The following FZD3 variants were observed in gnomAD, a reference collection of about 807,000 sequenced individuals.
FZD3 encodes the protein frizzled class receptor 3.
A neutral mutation model predicts 60.7 loss-of-function variants in FZD3; 30 were observed. That is an observed-to-expected ratio of 0.49 (90% CI 0.37 to 0.67). The LOEUF is 0.67. FZD3 is among the 30% of genes least tolerant of loss of function. The pLI, the probability that FZD3 is intolerant of heterozygous loss-of-function variation, is 0.00. For missense variants in FZD3, 605 were observed against 838.7 expected, an observed-to-expected ratio of 0.72 and a Z score of 3.44; for synonymous variants, 246 against 275.2, an observed-to-expected ratio of 0.89 and a Z score of 1.05.
At position 28,566,396 on chromosome 8, in the gene FZD3, T is replaced by G. The variant is rs1488757737; in HGVS notation, c.*3385T>G. Reference sequence around the variant, plus strand: ...AAGTGAGTAATTAGACTCCTTTTAGTCTTATGCTGTTAGATCTTTGTGGAC... The same window carrying G: ...AAGTGAGTAATTAGACTCCTTTTAGGCTTATGCTGTTAGATCTTTGTGGAC... On this transcript the variant is annotated 3_prime_UTR_variant, in exon 8 of 8. Coordinates refer to ENST00000240093, the MANE Select transcript of FZD3 (RefSeq NM_017412.4). 6.6e-6 allele frequency: 1 copy of G among 152,190 alleles called. No homozygotes were observed. The highest frequency in any genetic ancestry group is 2.4e-5 in the African/African-American group (1 of 41,472). 9.4% of individuals were successfully genotyped at this position (152,190 alleles called of 1,614,324 possible). A position where few individuals can be genotyped will look rare whatever the true frequency, so the allele number is the denominator to read the frequency against.
Position 28,572,920 on chromosome 8 carries a change from A to G in FZD3, c.*9909A>G, listed in dbSNP as rs1462775936. The G allele has an allele frequency of 6.6e-6, 1 of 152,196 alleles. No individual in the cohort carries two copies. Among genetic ancestry groups the G allele is most frequent in the Non-Finnish European group, 1.5e-5 (1 of 68,016 alleles). The allele number at this position is 152,196 out of a possible 1,614,324, so 9.4% of individuals were successfully genotyped here. On this transcript the variant is annotated 3_prime_UTR_variant, in exon 8 of 8. Coordinates refer to ENST00000240093, the MANE Select transcript of FZD3 (RefSeq NM_017412.4). ...AAGAGTTGTTCCAAATTCAGACTAC[A>G]TCTCATCATATAAATAATATTATGA...
Position 28,564,594 on chromosome 8 carries a change from A to G in FZD3, c.*1583A>G, listed in dbSNP as rs1419475347. 2 of 152,138 alleles carry G rather than the reference A, an allele frequency of 1.3e-5. No homozygotes were observed. Among genetic ancestry groups the G allele is most frequent in the Non-Finnish European group, 2.9e-5 (2 of 68,038 alleles). 9.4% of individuals were successfully genotyped at this position (152,138 alleles called of 1,614,324 possible). ...TTCTGTCTTTCGCTTTTATATCATT[A>G]TCTAATATTCAGTTGTTCTGCACCT... On this transcript the variant is annotated 3_prime_UTR_variant, in exon 8 of 8. Coordinates refer to ENST00000240093, the MANE Select transcript of FZD3 (RefSeq NM_017412.4).
intron 5 of FZD3, among the ~76,000 whole-genome samples, chr8:28,537,811 A>G (rs553790860): frequency 1.5e-4 from 23 of 152,256 alleles, no homozygotes; most frequent in African/African-American, 5.5e-4. Flanking sequence ...CTACTGCATA[A>G]TAGTATTAAA....
rs954310977 is a variant in FZD3, at chr8:28,527,302, A to G, written c.542A>G (p.His181Arg). The G allele has an allele frequency of 3.7e-6, 6 of 1,614,062 alleles. No homozygotes were observed. The highest frequency in any genetic ancestry group is 3.3e-4 in the Middle Eastern group (2 of 6,062). ...IDPDLGYSFL[H>R]VRDCSPPCPN... is the part of the protein sequence containing the mutation. ...CCTGATCTGGGTTATTCTTTTCTGC[A>G]TGTGCGTGATTGTTCACCTCCTTGT... The change falls in exon 5 of 8, where the codon CAT becomes CGT. Residue 181 changes from histidine to arginine, a missense_variant. His to Arg is a conservative substitution (Grantham distance 29). Transcript: ENST00000240093. This position sits in a 1 kb window ranked among gnomAD's most constrained non-coding sequence, Gnocchi z 5.0.
At chr8:28,546,263 C>T (rs1232580041) in intron 5 of FZD3, among the ~76,000 whole-genome samples, 1 of 152,208 alleles carries the variant, frequency 6.6e-6, no homozygotes, top group Non-Finnish European at 1.5e-5. Context: ...TGTGCTGTAG[C>T]TGGCTCTCGG....
rs1337050305 is a variant in FZD3 at position 28,571,166 on chromosome 8, A to C, written c.*8155A>C. 6.6e-6 allele frequency: 1 copy of C among 152,184 alleles called. No individual in the cohort carries two copies. The highest frequency in any genetic ancestry group is 1.5e-5 in the Non-Finnish European group (1 of 68,020). 9.4% of individuals were successfully genotyped at this position (152,184 alleles called of 1,614,324 possible). A position where few individuals can be genotyped will look rare whatever the true frequency, so the allele number is the denominator to read the frequency against. On this transcript the variant is annotated 3_prime_UTR_variant, in exon 8 of 8. Transcript: ENST00000240093. ...GGTTTTGATAATGGGATATTCTGTA[A>C]GATAAAGCAAGTAATCCTAGAGTGA...
chr8:28,555,217 A>T (rs1000025463), intron 6 of FZD3, among the ~76,000 whole-genome samples: 8 of 152,344 alleles, frequency 5.3e-5, no homozygotes, highest in Non-Finnish European at 8.8e-5. Context: ...ATTAACTCGT[A>T]GACTAAAACA....
intron 7 of FZD3, among the ~76,000 whole-genome samples, chr8:28,560,868 C>A (rs1805600834): frequency 6.6e-6 from 1 of 152,092 alleles, no homozygotes; most frequent in Admixed American, 6.6e-5. Context: ...TTTTCATCTG[C>A]AAACATTGTC....
Position 28,552,116 on chromosome 8 carries a change from A to G in FZD3, c.1553+365A>G, listed in dbSNP as rs1216355092. 3.9e-5 allele frequency among the ~76,000 whole-genome samples: 6 copies of G among 152,328 alleles called. No individual in the cohort carries two copies. In the East Asian group the frequency reaches 1.2e-3, roughly 29 times the overall value. On this transcript the variant is annotated intron_variant, in intron 6 of 7. Transcript: ENST00000240093. ...CCTTTGAAGGTTGACATATATTCTC[A>G]TCTCTCTTTTACAAATGAGAAAACC...
chr8:28,523,840 TAA>T (rs1804648060), intron 4 of FZD3, among the ~76,000 whole-genome samples: 1 of 152,146 alleles, frequency 6.6e-6, no homozygotes, highest in Non-Finnish European at 1.5e-5. Flanking sequence ...GTGAGACCTT[TAA>T]GAGATCGTGA....
At chr8:28,523,887 T>G (rs1804649352) in intron 4 of FZD3, among the ~76,000 whole-genome samples, 1 of 152,168 alleles carries the variant, frequency 6.6e-6, no homozygotes, top group Non-Finnish European at 1.5e-5. Flanking sequence ...AATGCCATTA[T>G]CTCAGGGAGG....
intron 5 of FZD3, among the ~76,000 whole-genome samples, chr8:28,528,956 T>C (rs1025593106): frequency 2.0e-5 from 3 of 151,982 alleles, no homozygotes; most frequent in Admixed American, 6.6e-5. Context: ...AGAAACAGAG[T>C]CTTACTAGAA....
At chr8:28,551,409 G>A (rs1805408559) in intron 5 of FZD3, among the ~76,000 whole-genome samples, 194 bp from the exon 6 acceptor site, 1 of 152,126 alleles carries the variant, frequency 6.6e-6, no homozygotes, top group African/African-American at 2.4e-5. Flanking sequence ...AGCTACTTGG[G>A]AGGCTGTGAG....
chr8:28,543,806 C>T (rs1442512302), intron 5 of FZD3, among the ~76,000 whole-genome samples: 8 of 151,820 alleles, frequency 5.3e-5, no homozygotes, highest in Non-Finnish European at 1.2e-4. Flanking sequence ...AGGAAAATAA[C>T]TTTTGTAGCA....
chr8:28,555,838 T>TC lies in FZD3; in HGVS notation c.1656dup (p.Thr553HisfsTer18). The TC allele has an allele frequency of 6.2e-7, 1 of 1,613,526 alleles. No individual in the cohort carries two copies. ...TATCATAAGAAAGTCAAGGGGAACT[T>TC]CCACTCAAGGAACATCCACCCATGC... On this transcript the variant is annotated frameshift_variant, in exon 7 of 8. Transcript: ENST00000240093. LOFTEE classifies it high-confidence loss of function.
At chr8:28,519,725 G>C (rs1235344776) in intron 3 of FZD3, among the ~76,000 whole-genome samples, 2 of 88,480 alleles carry the variant, frequency 2.3e-5, no homozygotes, top group African/African-American at 7.7e-5. Context: ...GCGAGACCCT[G>C]TCTTTAAAAA....
Position 28,573,649 on chromosome 8 carries a change from T to G in FZD3, c.*10638T>G, listed in dbSNP as rs1047684139. The G allele has an allele frequency of 2.6e-5, 4 of 151,060 alleles. No homozygotes were observed. The highest frequency in any genetic ancestry group is 6.6e-5 in the Admixed American group (1 of 15,056). The allele number at this position is 151,060 out of a possible 1,614,324, so 9.4% of individuals were successfully genotyped here. ...ACCTGACAGACAGCTAGGTCTGTCT[T>G]CCAGCTCTTTCTCATTGATACTACC... On this transcript the variant is annotated 3_prime_UTR_variant, in exon 8 of 8. Transcript: ENST00000240093.
rs1381933068 is a variant in FZD3, at chr8:28,573,361, A to C, written c.*10350A>C. 1 of 152,106 alleles carries C rather than the reference A, an allele frequency of 6.6e-6. No individual in the cohort carries two copies. Among genetic ancestry groups the C allele is most frequent in the Non-Finnish European group, 1.5e-5 (1 of 67,998 alleles). The allele number at this position is 152,106 out of a possible 1,614,324, so 9.4% of individuals were successfully genotyped here. ...GTCAGTGAGTAGAATCTTAAGCTTTAAAACAAAAGTGGAAATAATTTAAAT... is the reference window on the plus strand; with the variant it reads ...GTCAGTGAGTAGAATCTTAAGCTTTCAAACAAAAGTGGAAATAATTTAAAT... On this transcript the variant is annotated 3_prime_UTR_variant, in exon 8 of 8. Transcript: ENST00000240093.
chr8:28,559,485 CAT>C (rs140387684), intron 7 of FZD3, among the ~76,000 whole-genome samples: 1 of 151,192 alleles, frequency 6.6e-6, no homozygotes, highest in Non-Finnish European at 1.5e-5. Context: ...CAGTACTAGG[CAT>C]ATATATATAT....
Sources: gnomAD v4.1 joint callset for allele counts (sites outside exome capture counted in the v4.1 genomes callset) on GRCh38, gnomAD v4.1.1 for gene constraint, Gnocchi (gnomAD v3.1) non-coding constraint, MANE v1.5 for transcripts, NCBI Gene and HGNC (gene_info 2026-07-23, HGNC 2026-07-21) for gene names.